Variants in CACNA1E observed in about 807,000 individuals in gnomAD.
The protein encoded by CACNA1E is voltage-dependent R-type calcium channel subunit alpha-1E.
CACNA1E carries 40 observed loss-of-function variants against 259.2 expected under a neutral mutation model. That is an observed-to-expected ratio of 0.15 (90% confidence interval 0.12 to 0.20). The LOEUF is 0.20. Among genes scored for constraint, CACNA1E ranks in the 10% least tolerant of loss-of-function variants. The pLI, the probability that CACNA1E is intolerant of heterozygous loss-of-function variation, is 1.00. For missense variants in CACNA1E, 1,874 were observed against 3,040.1 expected, an observed-to-expected ratio of 0.62 and a Z score of 9.02; for synonymous variants, 1,104 against 1,138.5, an observed-to-expected ratio of 0.97 and a Z score of 0.61.
chr1:181,774,819 A>G (rs905855571), intron 37 of CACNA1E, among the ~76,000 whole-genome samples: 4 of 152,200 alleles, frequency 2.6e-5, no homozygotes, highest in Non-Finnish European at 5.9e-5. Context: ...GGTCCACAAT[A>G]GAGACTCCAG....
intron 7 of CACNA1E, among the ~76,000 whole-genome samples, chr1:181,652,579 A>G (rs1195995256): frequency 6.6e-6 from 1 of 152,224 alleles, no homozygotes; most frequent in African/African-American, 2.4e-5. Context: ...CCAGTAAAAA[A>G]GCAAACTGAT....
At chr1:181,675,668 T>G (rs908297255) in intron 7 of CACNA1E, among the ~76,000 whole-genome samples, 6 of 152,088 alleles carry the variant, frequency 3.9e-5, no homozygotes, top group Non-Finnish European at 8.8e-5. Flanking sequence ...ATAAAAATAA[T>G]AAAACAGTGA....
chr1:181,539,611 C>A (rs1301486908), intron 3 of CACNA1E, among the ~76,000 whole-genome samples: 1 of 152,196 alleles, frequency 6.6e-6, no homozygotes, highest in African/African-American at 2.4e-5. Flanking sequence ...TCTGTATGAG[C>A]CTCTCAATCC....
At chr1:181,778,319 G>A (rs1162883602) in intron 38 of CACNA1E, among the ~76,000 whole-genome samples, 1 of 152,116 alleles carries the variant, frequency 6.6e-6, no homozygotes, top group Non-Finnish European at 1.5e-5. Context: ...AAGGACAACT[G>A]GCTAAATTAC....
intron 39 of CACNA1E, 49 bp downstream of exon 39, chr1:181,781,572 G>C: frequency 1.0e-6 from 1 of 982,978 alleles, no homozygotes; most frequent in Non-Finnish European, 1.6e-6. Context: ...CAGGAAATGG[G>C]ATCTAGTTGT....
intron 4 of CACNA1E, 106 bp from the exon 5 acceptor site, chr1:181,578,966 G>A (rs187292835): frequency 1.1e-6 from 1 of 922,288 alleles, no homozygotes; most frequent in East Asian, 2.6e-5. Flanking sequence ...TCTATCAGAG[G>A]CAGACGGCAG....
chr1:181,394,542 G>T (rs1470710582), intron 1 of CACNA1E, among the ~76,000 whole-genome samples: 2 of 152,132 alleles, frequency 1.3e-5, no homozygotes, highest in Non-Finnish European at 2.9e-5. Context: ...AGCAGGGAAA[G>T]ATAGACAATA....
At chr1:181,673,987 A>G (rs1300215555) in intron 7 of CACNA1E, among the ~76,000 whole-genome samples, 2 of 152,086 alleles carry the variant, frequency 1.3e-5, no homozygotes, top group African/African-American at 2.4e-5. Flanking sequence ...CCACACAGCT[A>G]ATCCTGTTAG....
In CACNA1E at chr1:181,732,451, A is replaced by G; in HGVS notation, c.2365A>G (p.Met789Val). The change falls in exon 20 of 48, where the codon ATG (methionine) becomes GTG (valine). Residue 789 changes from methionine (M) to valine (V), a missense_variant. Met to Val is a conservative substitution (Grantham distance 21). Transcript: ENST00000367573. This position sits in a 1 kb window ranked among gnomAD's most constrained non-coding sequence, Gnocchi z 5.5. Reference sequence around the variant, plus strand: ...GCGTACCAGCCAGCTGAGGAAGCACATGCAGATGTCCAGCCAGGAGGCCCT... The same window carrying G: ...GCGTACCAGCCAGCTGAGGAAGCACGTGCAGATGTCCAGCCAGGAGGCCCT... ...EQRTSQLRKH[M>V]QMSSQEALNR... The G allele has an allele frequency of 6.4e-7, 1 of 1,550,824 alleles. No individual in the cohort carries two copies.
At chr1:181,678,774 C>G (rs1276941183) in intron 7 of CACNA1E, among the ~76,000 whole-genome samples, 1 of 152,174 alleles carries the variant, frequency 6.6e-6, no homozygotes, top group Non-Finnish European at 1.5e-5. Flanking sequence ...CTTAGTTTCT[C>G]CACCTGGAAA....
At chr1:181,653,503 A>T (rs1419335589) in intron 7 of CACNA1E, among the ~76,000 whole-genome samples, 1 of 152,194 alleles carries the variant, frequency 6.6e-6, no homozygotes, top group Non-Finnish European at 1.5e-5. Flanking sequence ...TTTCTTTTGT[A>T]AATGCCTCAG....
chr1:181,358,121 C>T (rs1358128958), intron 1 of CACNA1E, among the ~76,000 whole-genome samples: 28 of 152,086 alleles, frequency 1.8e-4, no homozygotes, highest in Admixed American at 1.8e-3. Context: ...GGAGTGCTGC[C>T]TACCCAAACA....
intron 2 of CACNA1E, among the ~76,000 whole-genome samples, chr1:181,462,065 C>T (rs886571759): frequency 2.0e-5 from 3 of 152,110 alleles, no homozygotes; most frequent in Non-Finnish European, 2.9e-5. Context: ...TGTACTGTGT[C>T]ATTAAATATA....
intron 2 of CACNA1E, among the ~76,000 whole-genome samples, 153 bp downstream of exon 2, chr1:181,510,735 G>T (rs570518385): frequency 1.9e-4 from 29 of 152,300 alleles, no homozygotes; most frequent in Non-Finnish European, 3.1e-4. Context: ...ACCCCATGGG[G>T]ATTCACACGG....
intron 17 of CACNA1E, among the ~76,000 whole-genome samples, chr1:181,725,544 G>A (rs1275667679): frequency 1.3e-5 from 2 of 152,212 alleles, no homozygotes; most frequent in Non-Finnish European, 2.9e-5. Context: ...TCATCACATA[G>A]AGGGGACACT....
At chr1:181,504,475 C>T (rs982437241) in intron 1 of CACNA1E, among the ~76,000 whole-genome samples, 2 of 152,184 alleles carry the variant, frequency 1.3e-5, no homozygotes, top group African/African-American at 4.8e-5. Context: ...GGATGAGCCC[C>T]CTGGTGGTGA....
At chr1:181,446,311 A>G (rs538198508) in intron 2 of CACNA1E, among the ~76,000 whole-genome samples, 14 of 152,316 alleles carry the variant, frequency 9.2e-5, no homozygotes, top group African/African-American at 3.4e-4. Context: ...GATGAAGTGA[A>G]TCTCTGCCAA....
intron 1 of CACNA1E, among the ~76,000 whole-genome samples, chr1:181,376,126 G>C (rs1655079916): frequency 6.6e-6 from 1 of 152,154 alleles, no homozygotes; most frequent in Non-Finnish European, 1.5e-5. Context: ...TAAGTGAATG[G>C]AGCCAGGATA....
chr1:181,766,130 G>A (rs2102737700), intron 34 of CACNA1E, among the ~76,000 whole-genome samples: 2 of 152,308 alleles, frequency 1.3e-5, no homozygotes, highest in South Asian at 4.1e-4. Context: ...CTTTGGGTAT[G>A]GGAGTGGGAG....
Sources: allele counts gnomAD v4.1 joint callset (sites outside exome capture counted in the v4.1 genomes callset), GRCh38; gene constraint gnomAD v4.1.1; non-coding constraint Gnocchi (gnomAD v3.1); transcripts MANE v1.5; gene names NCBI Gene and HGNC (gene_info 2026-07-23, HGNC 2026-07-21).